DLC1: variants seen among roughly 807,000 people sequenced by gnomAD.
DLC1 encodes the protein rho GTPase-activating protein 7.
In DLC1, 54 loss-of-function variants were observed where a neutral mutation model predicts 140.3. The observed-to-expected ratio is 0.38, with a 90% CI of 0.31 to 0.48. DLC1 has a LOEUF of 0.48. Among genes scored for constraint, DLC1 ranks in the 20% least tolerant of loss-of-function variants. The probability of loss-of-function intolerance (pLI) is 0.96; values close to 1 mark genes in which losing one functional copy is unlikely to be tolerated. For missense variants in DLC1, 2,536 were observed against 1,907.0 expected (o/e 1.33, Z -6.14); for synonymous variants, 986 against 728.1 (o/e 1.35, Z -5.70).
At chr8:13,179,181 C>T (rs1825908499) in intron 5 of DLC1, among the ~76,000 whole-genome samples, 1 of 151,034 alleles carries the variant, frequency 6.6e-6, no homozygotes, top group African/African-American at 2.4e-5. Context: ...ATAGTGTGCA[C>T]TGTATGACTG....
intron 2 of DLC1, among the ~76,000 whole-genome samples, chr8:13,489,929 G>A (rs953484617): frequency 2.0e-5 from 3 of 152,168 alleles, no homozygotes; most frequent in Non-Finnish European, 4.4e-5. Flanking sequence ...TGTTCTAGGT[G>A]CTGTACTATG....
At chr8:13,409,908 G>A (rs1563323872) in intron 2 of DLC1, among the ~76,000 whole-genome samples, 1 of 152,020 alleles carries the variant, frequency 6.6e-6, no homozygotes, top group Non-Finnish European at 1.5e-5. Flanking sequence ...TAAGCTATGT[G>A]TTTTTAAAAA....
intron 5 of DLC1, among the ~76,000 whole-genome samples, chr8:13,259,904 TA>T: frequency 6.6e-6 from 1 of 151,942 alleles, no homozygotes; most frequent in East Asian, 1.9e-4. Context: ...ATTACAAACT[TA>T]AAAAAATCAG....
At chr8:13,243,287 T>C (rs1317661579) in intron 5 of DLC1, among the ~76,000 whole-genome samples, 1 of 66,706 alleles carries the variant, frequency 1.5e-5, no homozygotes, top group East Asian at 4.3e-4. Flanking sequence ...TGAGACTCTG[T>C]CTCAAAAAAA....
intron 2 of DLC1, among the ~76,000 whole-genome samples, chr8:13,466,425 C>A (rs1245944167): frequency 2.6e-5 from 4 of 152,198 alleles, no homozygotes; most frequent in Non-Finnish European, 5.9e-5. Context: ...TAACTCTCCT[C>A]CTGGCCAGAG....
chr8:13,247,270 A>G (rs959872833), intron 5 of DLC1, among the ~76,000 whole-genome samples: 3 of 152,186 alleles, frequency 2.0e-5, no homozygotes, highest in Admixed American at 6.5e-5. Flanking sequence ...TGCTTGTGCA[A>G]TTTGGCACAG....
intron 2 of DLC1, among the ~76,000 whole-genome samples, chr8:13,486,501 G>T (rs1300917456): frequency 6.6e-6 from 1 of 151,998 alleles, no homozygotes; most frequent in African/African-American, 2.4e-5. Context: ...CCATAATAAT[G>T]TTCAACTCAG....
chr8:13,088,172 C>T (rs925976709), intron 16 of DLC1, among the ~76,000 whole-genome samples: 1 of 152,164 alleles, frequency 6.6e-6, no homozygotes, highest in East Asian at 1.9e-4. Context: ...CCTCAAACTC[C>T]TGGCTCAAGG....
chr8:13,601,985 C>T (rs1013392734), intron 1 of DLC1, among the ~76,000 whole-genome samples: 1 of 151,742 alleles, frequency 6.6e-6, no homozygotes, highest in Admixed American at 6.6e-5. Flanking sequence ...GCTCCAATGG[C>T]TACCAACGTC....
intron 5 of DLC1, among the ~76,000 whole-genome samples, chr8:13,164,062 C>A (rs894561498): frequency 5.5e-4 from 83 of 152,052 alleles, no homozygotes; most frequent in African/African-American, 1.8e-3. Context: ...TTTGGGAGGC[C>A]GAGGCGGGCG....
chr8:13,447,225 G>A (rs1189399301), intron 2 of DLC1, among the ~76,000 whole-genome samples: 1 of 152,072 alleles, frequency 6.6e-6, no homozygotes, highest in East Asian at 1.9e-4. Flanking sequence ...TGTTTACCTT[G>A]GCAGTCTACT....
At chr8:13,182,818 C>T (rs1231781227) in intron 5 of DLC1, among the ~76,000 whole-genome samples, 1 of 151,974 alleles carries the variant, frequency 6.6e-6, no homozygotes, top group Non-Finnish European at 1.5e-5. Flanking sequence ...TTTTTTGGTT[C>T]CATGAACTTT....
intron 5 of DLC1, among the ~76,000 whole-genome samples, chr8:13,183,928 GTGAATCCATC>G (rs1394297879): frequency 4.6e-5 from 7 of 152,150 alleles, no homozygotes; most frequent in Non-Finnish European, 8.8e-5. Context: ...GAATTTGGCT[GTGAATCCATC>G]TGGTCCTGGA....
chr8:13,433,289 T>C (rs1838970919), intron 2 of DLC1, among the ~76,000 whole-genome samples: 1 of 152,096 alleles, frequency 6.6e-6, no homozygotes, highest in South Asian at 2.1e-4. Context: ...TGAAAATGTG[T>C]AAGGGTGTTC....
chr8:13,514,816 G>T lies in DLC1; in HGVS notation c.-340C>A. On this transcript the variant is annotated 5_prime_UTR_variant, in exon 1 of 18. Transcript: ENST00000276297. ...TTAGCTAAGGCAGGATCCTGTCAAG[G>T]CATTCCTAGTGACTTCTGTCTACTA... 3 of 394,716 alleles carry T rather than the reference G, an allele frequency of 7.6e-6. No individual in the cohort carries two copies. Among genetic ancestry groups the T allele is most frequent in the Non-Finnish European group, 8.9e-6 (2 of 224,052 alleles). 24.5% of individuals were successfully genotyped at this position (394,716 alleles called of 1,614,324 possible).
rs372703444 is a variant in DLC1 at position 13,169,857 on chromosome 8, T to TAA, written c.1349-54202_1349-54201dup. Among the ~76,000 whole-genome samples, 850 of 142,286 alleles carry TAA rather than the reference T, an allele frequency of 6.0e-3. 12 individuals carry two copies. Among genetic ancestry groups the TAA allele is most frequent in the African/African-American group, 0.02 (768 of 38,744 alleles). The allele number at this position is 142,286 out of a possible 152,430, so 93.3% of individuals were successfully genotyped here. On this transcript the variant is annotated intron_variant, in intron 5 of 17. Coordinates refer to ENST00000276297, the MANE Select transcript of DLC1 (RefSeq NM_182643.3). ...ATGGGCAACATAGAAATACCTCATC[T>TAA]AAAAAAAAAAAAGCCAGATGCGGTG...
intron 5 of DLC1, among the ~76,000 whole-genome samples, chr8:13,121,193 T>C (rs895830373): frequency 2.6e-5 from 4 of 152,144 alleles, no homozygotes; most frequent in Admixed American, 6.6e-5. Flanking sequence ...TGGGCAAAGA[T>C]TCATGGAAAA....
chr8:13,413,648 C>T (rs1478409679), intron 2 of DLC1, among the ~76,000 whole-genome samples: 3 of 152,002 alleles, frequency 2.0e-5, no homozygotes, highest in Non-Finnish European at 4.4e-5. Context: ...GAGGTTCCCC[C>T]ATGCTGTTCT....
rs983696723 is a variant in DLC1 at position 13,293,616 on chromosome 8, G to A, written c.1348+11653C>T. The stretch of plus-strand genomic sequence containing the variant: ...CGGGGTGACAAAAAACGAAACGGGA[G>A]GTTTCTGCTTTCAAGGAGCTCTTAG... On this transcript the variant is annotated intron_variant, in intron 5 of 17. Coordinates refer to ENST00000276297, the MANE Select transcript of DLC1 (RefSeq NM_182643.3). Among the ~76,000 whole-genome samples the A allele has an allele frequency of 4.6e-5, 7 of 152,174 alleles. No individual in the cohort carries two copies. The East Asian group carries it at 1.2e-3, about 25-fold the overall frequency.
Sources: gnomAD v4.1 joint callset for allele counts (sites outside exome capture counted in the v4.1 genomes callset) on GRCh38, gnomAD v4.1.1 for gene constraint, MANE v1.5 for transcripts, NCBI Gene and HGNC (gene_info 2026-07-23, HGNC 2026-07-21) for gene names.